ADCY2: variants seen among roughly 807,000 people sequenced by gnomAD.
ADCY2 encodes the protein adenylate cyclase type 2.
Under a neutral mutation model 125.2 loss-of-function variants are expected in ADCY2, and 31 were observed. The observed-to-expected ratio is 0.25, with a 90% CI of 0.19 to 0.33. The LOEUF is 0.33. Ranked by LOEUF, ADCY2 falls within the 10% of genes least tolerant of loss-of-function variation. The pLI, the probability that ADCY2 is intolerant of heterozygous loss-of-function variation, is 1.00. For synonymous variants in ADCY2, 512 were observed against 548.4 expected, an observed-to-expected ratio of 0.93 and a Z score of 0.93; for missense variants, 904 against 1,418.2, an observed-to-expected ratio of 0.64 and a Z score of 5.82.
chr5:7,812,227 T>C (rs566399155), intron 22 of ADCY2, among the ~76,000 whole-genome samples: 18 of 152,038 alleles, frequency 1.2e-4, no homozygotes, highest in Non-Finnish European at 4.4e-5. Flanking sequence ...AAGCAAAAAA[T>C]CCTAAGTCTG....
At chr5:7,421,709 A>G (rs762111258) in intron 2 of ADCY2, among the ~76,000 whole-genome samples, 1 of 152,168 alleles carries the variant, frequency 6.6e-6, no homozygotes, top group Non-Finnish European at 1.5e-5. Context: ...TGCTGCTCTG[A>G]GGTTCACTCC....
chr5:7,440,838 G>A (rs192023896), intron 2 of ADCY2, among the ~76,000 whole-genome samples: 2 of 152,310 alleles, frequency 1.3e-5, no homozygotes, highest in Non-Finnish European at 2.9e-5. Flanking sequence ...TGTGGCCCAA[G>A]AGTTGAGCAG....
At chr5:7,416,609 G>C (rs1288525563) in intron 2 of ADCY2, among the ~76,000 whole-genome samples, 1 of 152,204 alleles carries the variant, frequency 6.6e-6, no homozygotes, top group African/African-American at 2.4e-5. Flanking sequence ...GGGAGTCTCA[G>C]ATCAACTAAC....
At chr5:7,821,148 A>T (rs1225554966) in intron 24 of ADCY2, among the ~76,000 whole-genome samples, 3 of 152,198 alleles carry the variant, frequency 2.0e-5, no homozygotes, top group African/African-American at 7.2e-5. Flanking sequence ...GAAGGTTGAT[A>T]TGAATGGCAG....
chr5:7,736,588 GCTCTT>G, intron 14 of ADCY2, among the ~76,000 whole-genome samples: 1 of 152,238 alleles, frequency 6.6e-6, no homozygotes, highest in Non-Finnish European at 1.5e-5. Context: ...CTTCTGGGAT[GCTCTT>G]CACTGTGTCC....
intron 2 of ADCY2, among the ~76,000 whole-genome samples, chr5:7,447,157 G>A (rs567654570): frequency 6.6e-6 from 1 of 152,072 alleles, no homozygotes; most frequent in East Asian, 1.9e-4. Flanking sequence ...CCCACCACCC[G>A]ACCTTACTCA....
chr5:7,428,355 G>A (rs1368974244), intron 2 of ADCY2, among the ~76,000 whole-genome samples: 1 of 152,132 alleles, frequency 6.6e-6, no homozygotes, highest in East Asian at 1.9e-4. Flanking sequence ...TTGTTAGGGG[G>A]AAAAACACCA....
In ADCY2 at chr5:7,816,884, A is replaced by G. The variant is rs148980899; in HGVS notation, c.2902A>G (p.Met968Val). 311 of 1,614,040 alleles carry G rather than the reference A, an allele frequency of 1.9e-4. No homozygotes were observed. The highest frequency in any genetic ancestry group is 2.4e-4 in the Non-Finnish European group (284 of 1,180,026). ...TTCTCAGGAGCCCGAGCGGCAGTACATGCACATTGGCACCATGGTGGAGTT... is the reference window on the plus strand; with the variant it reads ...TTCTCAGGAGCCCGAGCGGCAGTACGTGCACATTGGCACCATGGTGGAGTT... Reference protein sequence around the residue: ...EHSQEPERQYMHIGTMVEFAF... With the variant: ...EHSQEPERQYVHIGTMVEFAF... The change falls in exon 23 of 25, where the codon ATG (methionine) becomes GTG (valine). Residue 968 changes from methionine (M) to valine (V), a missense_variant. This residue lies in a region of ADCY2 where 181 missense variants were observed against 381.6 expected (regional missense o/e 0.47). Transcript: ENST00000338316.
At chr5:7,649,928 C>G (rs555477115) in intron 4 of ADCY2, among the ~76,000 whole-genome samples, 1 of 152,190 alleles carries the variant, frequency 6.6e-6, no homozygotes, top group South Asian at 2.1e-4. Flanking sequence ...TTTCCTCTCA[C>G]TCCTCGTATC....
intron 22 of ADCY2, among the ~76,000 whole-genome samples, chr5:7,807,218 C>G (rs1206702869): frequency 3.3e-5 from 5 of 152,232 alleles, no homozygotes; most frequent in Non-Finnish European, 5.9e-5. Context: ...CTGCCTCCAT[C>G]AGACCCAGTC....
Position 7,396,235 on chromosome 5 carries a change from G to T in ADCY2, c.-62G>T, listed in dbSNP as rs1739019498. On this transcript the variant is annotated 5_prime_UTR_variant, in exon 1 of 25. Transcript: ENST00000338316. The surrounding 1 kb of genome is among the most constrained non-coding windows in gnomAD (Gnocchi z 5.7). ...GCGGCGCGGGGGTGGGACGCGGGCG[G>T]CCGCGGCGAGCGGCGCTGCCCGGGC... 1.7e-5 allele frequency: 16 copies of T among 929,366 alleles called. No individual in the cohort carries two copies. Among genetic ancestry groups the T allele is most frequent in the Non-Finnish European group, 1.9e-5 (15 of 781,616 alleles). The allele number at this position is 929,366 out of a possible 1,614,324, so 57.6% of individuals were successfully genotyped here. A position where few individuals can be genotyped will look rare whatever the true frequency, so the allele number is the denominator to read the frequency against.
At chr5:7,588,060 AAT>A (rs1736690432) in intron 3 of ADCY2, among the ~76,000 whole-genome samples, 1 of 152,216 alleles carries the variant, frequency 6.6e-6, no homozygotes, top group Non-Finnish European at 1.5e-5. Flanking sequence ...TACTGCAAAT[AAT>A]ATGTTGATAC....
intron 3 of ADCY2, among the ~76,000 whole-genome samples, chr5:7,541,471 G>A (rs988317775): frequency 1.3e-4 from 20 of 152,222 alleles, no homozygotes; most frequent in Non-Finnish European, 2.5e-4. Flanking sequence ...CTGTCTTTGA[G>A]CAACATTCTT....
chr5:7,449,988 A>T (rs1030852807), intron 2 of ADCY2, among the ~76,000 whole-genome samples: 1 of 152,108 alleles, frequency 6.6e-6, no homozygotes, highest in African/African-American at 2.4e-5. Flanking sequence ...GTGTCTTTTG[A>T]CTGCTCCACT....
At chr5:7,573,142 C>G (rs1314559857) in intron 3 of ADCY2, among the ~76,000 whole-genome samples, 1 of 152,168 alleles carries the variant, frequency 6.6e-6, no homozygotes, top group Non-Finnish European at 1.5e-5. Flanking sequence ...TTGTGGACTT[C>G]TAGCCTTGAA....
intron 2 of ADCY2, among the ~76,000 whole-genome samples, chr5:7,430,440 T>C (rs1740546569): frequency 6.6e-6 from 1 of 150,606 alleles, no homozygotes; most frequent in Non-Finnish European, 1.5e-5. Context: ...GACACAAACA[T>C]TCTAACCAAA....
intron 2 of ADCY2, among the ~76,000 whole-genome samples, chr5:7,475,944 CAT>C (rs1742510124): frequency 1.3e-5 from 2 of 152,166 alleles, no homozygotes; most frequent in African/African-American, 4.8e-5. Context: ...AAAATCTTCT[CAT>C]ATGTGAGTAA....
Position 7,533,206 on chromosome 5 carries a change from G to A in ADCY2, c.570+12307G>A, listed in dbSNP as rs192562960. ...TTTAGACTTACTTTCTCTTCAGGACGTTGTTTTTGTCAAAGATATTTTCAT... is the reference window on the plus strand; with the variant it reads ...TTTAGACTTACTTTCTCTTCAGGACATTGTTTTTGTCAAAGATATTTTCAT... On this transcript the variant is annotated intron_variant, in intron 3 of 24. Transcript: ENST00000338316. Among the ~76,000 whole-genome samples, 297 of 151,492 alleles carry A rather than the reference G, an allele frequency of 2.0e-3. 1 individual carries two copies. The highest frequency in any genetic ancestry group is 6.6e-3 in the African/African-American group (274 of 41,418).
chr5:7,476,816 G>A (rs1173189667), intron 2 of ADCY2, among the ~76,000 whole-genome samples: 1 of 152,112 alleles, frequency 6.6e-6, no homozygotes, highest in Non-Finnish European at 1.5e-5. Context: ...TCAATGTCTT[G>A]TTTTCTAATA....
Sources: allele counts gnomAD v4.1 joint callset (sites outside exome capture counted in the v4.1 genomes callset), GRCh38; gene constraint gnomAD v4.1.1; regional missense constraint gnomAD v4.1.1; non-coding constraint Gnocchi (gnomAD v3.1); transcripts MANE v1.5; gene names NCBI Gene and HGNC (gene_info 2026-07-23, HGNC 2026-07-21).